Variants in PAK1 observed in about 807,000 individuals in gnomAD.
PAK1 encodes the protein p21 (RAC1) activated kinase 1, also known as serine/threonine-protein kinase PAK 1.
A neutral mutation model predicts 67.4 loss-of-function variants in PAK1; 29 were observed. That is an observed-to-expected ratio of 0.43 (90% CI 0.32 to 0.59). The LOEUF (loss-of-function observed/expected upper bound fraction) is 0.59, where lower values mean the gene tolerates loss of function less well. Among genes scored for constraint, PAK1 ranks in the 20% least tolerant of loss-of-function variants. The probability of loss-of-function intolerance (pLI) is 0.07; values close to 1 mark genes in which losing one functional copy is unlikely to be tolerated. For missense variants in PAK1, 337 were observed against 670.7 expected, an observed-to-expected ratio of 0.50 and a Z score of 5.50; for synonymous variants, 223 against 237.4, an observed-to-expected ratio of 0.94 and a Z score of 0.56.
At chr11:77,462,982 A>AGGGGG (rs1170395313) in intron 1 of PAK1, among the ~76,000 whole-genome samples, 21 of 11,686 alleles carry the variant, frequency 1.8e-3, no homozygotes, top group Admixed American at 4.7e-3. Context: ...AAAAAAAAAA[A>AGGGGG]GGTGGGTGGG....
rs17135687 is a variant in PAK1, at chr11:77,463,834, G to C, written c.-22+9718C>G. 8.7e-3 allele frequency among the ~76,000 whole-genome samples: 1,266 copies of C among 144,966 alleles called. 29 individuals carry two copies. Among genetic ancestry groups the C allele is most frequent in the African/African-American group, 0.035 (1,213 of 35,102 alleles). Reference sequence around the variant, plus strand: ...ATTTACTCTTGCTTCCTATACAACAGCCATAATTTTTTTTAGTTCCTCTAT... The same window carrying C: ...ATTTACTCTTGCTTCCTATACAACACCCATAATTTTTTTTAGTTCCTCTAT... On this transcript the variant is annotated intron_variant, in intron 1 of 14. Transcript: ENST00000356341.
At chr11:77,493,688 A>C in the PAK1 span, among the ~76,000 whole-genome samples, 4 of 151,858 alleles carry the variant, frequency 2.6e-5, no homozygotes, top group Non-Finnish European at 5.9e-5. Context: ...CTGAACCGAG[A>C]GTGCGTCAGT....
intron 1 of PAK1, among the ~76,000 whole-genome samples, chr11:77,418,215 A>G (rs1955074521): frequency 6.6e-6 from 1 of 152,198 alleles, no homozygotes; most frequent in African/African-American, 2.4e-5. Flanking sequence ...AAATTGCTAT[A>G]AAGATTTCTA....
chr11:77,514,821 ATCT>A, the PAK1 span: 2 of 23,606 alleles, frequency 8.5e-5, no homozygotes, highest in African/African-American at 3.6e-4. Flanking sequence ...AATAAGCATC[ATCT>A]CAATCCTCAT....
chr11:77,383,611 C>A (rs750614327), intron 2 of PAK1, among the ~76,000 whole-genome samples: 12 of 152,118 alleles, frequency 7.9e-5, no homozygotes, highest in Admixed American at 3.9e-4. Flanking sequence ...AGGCATGAGC[C>A]ACCACGCCCG....
chr11:77,527,905 A>G, the PAK1 span, among the ~76,000 whole-genome samples: 6 of 151,666 alleles, frequency 4.0e-5, no homozygotes, highest in African/African-American at 1.5e-4. Flanking sequence ...GAGTGCATGC[A>G]GTAGCTCAAT....
chr11:77,368,592 G>C (rs975027324), intron 5 of PAK1, among the ~76,000 whole-genome samples: 3 of 152,196 alleles, frequency 2.0e-5, no homozygotes, highest in African/African-American at 7.2e-5. Flanking sequence ...GAAGATCCCA[G>C]AATGAGAGCT....
chr11:77,497,598 G>A, the PAK1 span, among the ~76,000 whole-genome samples: 5 of 152,370 alleles, frequency 3.3e-5, no homozygotes, highest in African/African-American at 9.6e-5. Context: ...CTGAGATCGT[G>A]TGTGTGGTGT....
chr11:77,342,506 T>C (rs988689489), intron 10 of PAK1, among the ~76,000 whole-genome samples: 1 of 152,166 alleles, frequency 6.6e-6, no homozygotes, highest in African/African-American at 2.4e-5. Context: ...CAAAATCTAA[T>C]ACCCCTGTCG....
intron 7 of PAK1, among the ~76,000 whole-genome samples, chr11:77,355,027 C>T (rs951088742): frequency 6.6e-6 from 1 of 152,152 alleles, no homozygotes; most frequent in South Asian, 2.1e-4. Flanking sequence ...CTTACAGGAA[C>T]AAAAACTGTG....
intron 9 of PAK1, among the ~76,000 whole-genome samples, chr11:77,344,960 C>A (rs1428521969): frequency 6.6e-6 from 1 of 152,154 alleles, no homozygotes; most frequent in Non-Finnish European, 1.5e-5. Context: ...TATCTAGTCC[C>A]CCTTCCTTTG....
chr11:77,322,443 G>GC lies in PAK1; in HGVS notation c.*830_*831insG, dbSNP rs1203485611. 1.5e-4 allele frequency: 30 copies of GC among 195,436 alleles called. No individual in the cohort carries two copies. Among genetic ancestry groups the GC allele is most frequent in the Admixed American group, 5.5e-4 (9 of 16,490 alleles). The allele number at this position is 195,436 out of a possible 1,614,324, so 12.1% of individuals were successfully genotyped here. ...GAGTTCCTGAAACATCACACAAGTAGAGCTGGACAGGTGCTGATGCCCAGC... is the reference window on the plus strand; with the variant it reads ...GAGTTCCTGAAACATCACACAAGTAGCAGCTGGACAGGTGCTGATGCCCAGC... On this transcript the variant is annotated 3_prime_UTR_variant, in exon 15 of 15. Coordinates refer to ENST00000356341, the MANE Select transcript of PAK1 (RefSeq NM_002576.5).
chr11:77,433,873 T>A (rs1366244792), intron 1 of PAK1, among the ~76,000 whole-genome samples: 1 of 152,134 alleles, frequency 6.6e-6, no homozygotes, highest in Admixed American at 6.5e-5. Context: ...AAGTGGCCAA[T>A]AAACACATGA....
At chr11:77,521,487 C>T in the PAK1 span, among the ~76,000 whole-genome samples, 6 of 151,946 alleles carry the variant, frequency 3.9e-5, no homozygotes, top group African/African-American at 1.5e-4. Flanking sequence ...CAAGATCGTG[C>T]CATTGCACTC....
chr11:77,487,968 G>A, the PAK1 span, among the ~76,000 whole-genome samples: 1 of 152,210 alleles, frequency 6.6e-6, no homozygotes, highest in Non-Finnish European at 1.5e-5. Flanking sequence ...TCTTGGGCAA[G>A]ACCCAGTTAT....
At chr11:77,340,873 A>C (rs1428266789) in intron 10 of PAK1, 110 bp from the exon 11 acceptor site, 2 of 712,682 alleles carry the variant, frequency 2.8e-6, no homozygotes, top group African/African-American at 1.8e-5. Context: ...GTCTTAGCAC[A>C]AAGTAAAGTA....
intron 1 of PAK1, among the ~76,000 whole-genome samples, chr11:77,444,282 G>C (rs1194086376): frequency 7.7e-6 from 1 of 129,942 alleles, no homozygotes; most frequent in African/African-American, 2.9e-5. Flanking sequence ...AACCTGGAGA[G>C]CTCTAAAAAA....
chr11:77,416,826 G>A (rs1049747492), intron 1 of PAK1, among the ~76,000 whole-genome samples: 9 of 152,066 alleles, frequency 5.9e-5, no homozygotes, highest in Non-Finnish European at 7.4e-5. Context: ...GGTGGCGGGC[G>A]CCTATAGTCC....
chr11:77,468,281 C>A (rs1309397237), intron 1 of PAK1, among the ~76,000 whole-genome samples: 1 of 152,138 alleles, frequency 6.6e-6, no homozygotes, highest in Non-Finnish European at 1.5e-5. Context: ...TAGATGAATT[C>A]TACAGTCAAT....
Sources: gnomAD v4.1 joint callset for allele counts (sites outside exome capture counted in the v4.1 genomes callset) on GRCh38, gnomAD v4.1.1 for gene constraint, MANE v1.5 for transcripts, NCBI Gene and HGNC (gene_info 2026-07-23, HGNC 2026-07-21) for gene names.